ASTN2: variants seen among roughly 807,000 people sequenced by gnomAD.
ASTN2 encodes astrotactin-2.
A neutral mutation model predicts 139.8 loss-of-function variants in ASTN2; 54 were observed. The ratio of observed to expected loss-of-function variants is 0.39; its 90% confidence interval spans 0.31 to 0.48. The LOEUF is 0.48. ASTN2 is among the 20% of genes least tolerant of loss of function. The pLI, the probability that ASTN2 is intolerant of heterozygous loss-of-function variation, is 0.95. For synonymous variants in ASTN2, 756 were observed against 719.5 expected (o/e 1.05, Z -0.81); for missense variants, 1,565 against 1,725.1 (o/e 0.91, Z 1.64).
intron 16 of ASTN2, among the ~76,000 whole-genome samples, chr9:116,688,623 A>G (rs551858118): frequency 6.7e-6 from 1 of 149,610 alleles, no homozygotes; most frequent in Non-Finnish European, 1.5e-5. Context: ...CACTAACTCC[A>G]TTCTGACCAC....
intron 5 of ASTN2, among the ~76,000 whole-genome samples, chr9:117,058,382 C>T (rs929360675): frequency 3.3e-5 from 5 of 151,928 alleles, no homozygotes; most frequent in African/African-American, 1.2e-4. Flanking sequence ...ATGACAGCTA[C>T]CATATTTAAG....
At chr9:116,803,513 TA>T (rs1564276174) in intron 13 of ASTN2, among the ~76,000 whole-genome samples, 177 of 8,388 alleles carry the variant, frequency 0.021, 1 homozygote, top group Non-Finnish European at 0.025. Flanking sequence ...TATATATATA[TA>T]TATATATATT....
At chr9:117,263,297 C>T (rs529617488) in intron 2 of ASTN2, among the ~76,000 whole-genome samples, 10 of 152,170 alleles carry the variant, frequency 6.6e-5, no homozygotes, top group Admixed American at 1.3e-4. Flanking sequence ...TGAAGTATAA[C>T]TTTGTGTGAA....
At chr9:117,284,093 A>C (rs1460499261) in intron 2 of ASTN2, among the ~76,000 whole-genome samples, 1 of 152,152 alleles carries the variant, frequency 6.6e-6, no homozygotes, top group African/African-American at 2.4e-5. Flanking sequence ...TTATTTGAAG[A>C]CAGGGTATTT....
intron 16 of ASTN2, among the ~76,000 whole-genome samples, chr9:116,718,773 C>T (rs1026026384): frequency 4.0e-5 from 6 of 151,874 alleles, no homozygotes; most frequent in South Asian, 2.1e-4. Context: ...TGCCAGCCTT[C>T]GGACTGGAAC....
At chr9:116,914,932 A>T (rs1834402310) in intron 10 of ASTN2, among the ~76,000 whole-genome samples, 1 of 152,194 alleles carries the variant, frequency 6.6e-6, no homozygotes, top group Non-Finnish European at 1.5e-5. Flanking sequence ...GCTGAAGCTG[A>T]GCTCTGGCCT....
At chr9:117,192,262 A>G (rs1191526030) in intron 3 of ASTN2, among the ~76,000 whole-genome samples, 2 of 152,070 alleles carry the variant, frequency 1.3e-5, no homozygotes, top group African/African-American at 4.8e-5. Context: ...CCAAAGCAAA[A>G]AAGCCGCAGA....
intron 22 of ASTN2, among the ~76,000 whole-genome samples, chr9:116,432,292 T>A (rs554287356): frequency 6.6e-6 from 1 of 152,326 alleles, no homozygotes; most frequent in African/African-American, 2.4e-5. Flanking sequence ...TGTTTTCCCA[T>A]TTGCTGCTGA....
At chr9:117,180,250 T>C (rs1468308174) in intron 3 of ASTN2, among the ~76,000 whole-genome samples, 1 of 152,212 alleles carries the variant, frequency 6.6e-6, no homozygotes, top group East Asian at 1.9e-4. Context: ...CCCTGGGGCC[T>C]CCCAGATAAA....
intron 3 of ASTN2, among the ~76,000 whole-genome samples, chr9:117,202,533 G>A (rs1479576133): frequency 6.6e-6 from 1 of 152,118 alleles, no homozygotes; most frequent in Non-Finnish European, 1.5e-5. Flanking sequence ...GGGCAGGCCT[G>A]GTGGTAATGA....
At chr9:116,870,977 G>T (rs1833148806) in intron 10 of ASTN2, among the ~76,000 whole-genome samples, 1 of 152,158 alleles carries the variant, frequency 6.6e-6, no homozygotes, top group Admixed American at 6.5e-5. Context: ...ATCAAGCTCA[G>T]GGCAGGCACG....
chr9:117,330,755 C>A (rs1009671741), intron 1 of ASTN2, among the ~76,000 whole-genome samples: 1 of 152,180 alleles, frequency 6.6e-6, no homozygotes, highest in Non-Finnish European at 1.5e-5. Flanking sequence ...CAATTCCCAC[C>A]TTTCTTTGTA....
At chr9:117,043,690 C>CTGTCT (rs1476161915) in intron 5 of ASTN2, among the ~76,000 whole-genome samples, 1 of 152,068 alleles carries the variant, frequency 6.6e-6, no homozygotes, top group Non-Finnish European at 1.5e-5. Context: ...GGCAGATCAC[C>CTGTCT]TGAGATCAGG....
At chr9:116,958,150 C>G (rs1231340110) in intron 10 of ASTN2, among the ~76,000 whole-genome samples, 1 of 152,194 alleles carries the variant, frequency 6.6e-6, no homozygotes, top group African/African-American at 2.4e-5. Context: ...AATTAGTAGG[C>G]TACTTCTAGG....
At chr9:116,498,957 G>C (rs538806451) in intron 19 of ASTN2, among the ~76,000 whole-genome samples, 1 of 152,296 alleles carries the variant, frequency 6.6e-6, no homozygotes, top group Admixed American at 6.5e-5. Flanking sequence ...GCAGGAAAAT[G>C]TATTCCTGAG....
chr9:117,087,377 G>A (rs944003774), intron 5 of ASTN2, among the ~76,000 whole-genome samples: 4 of 151,974 alleles, frequency 2.6e-5, no homozygotes. Context: ...TGAAATTAAA[G>A]GCACATGCCA....
chr9:116,493,476 A>T (rs1282682455), intron 19 of ASTN2, among the ~76,000 whole-genome samples: 2 of 151,948 alleles, frequency 1.3e-5, no homozygotes, highest in Non-Finnish European at 2.9e-5. Context: ...TTCTTTATCC[A>T]CTCAGACTCT....
chr9:117,315,331 A>G (rs1386544429), intron 1 of ASTN2, among the ~76,000 whole-genome samples: 4 of 152,220 alleles, frequency 2.6e-5, no homozygotes, highest in Non-Finnish European at 5.9e-5. Flanking sequence ...TCCTTTAAGA[A>G]TCACAATTAG....
At chr9:116,793,813 T>A (rs974224316) in intron 13 of ASTN2, among the ~76,000 whole-genome samples, 1 of 152,192 alleles carries the variant, frequency 6.6e-6, no homozygotes, top group South Asian at 2.1e-4. Flanking sequence ...ACCTTAGAGT[T>A]TGAGAAGCAC....
Sources: allele counts gnomAD v4.1 joint callset (sites outside exome capture counted in the v4.1 genomes callset), GRCh38; gene constraint gnomAD v4.1.1; transcripts MANE v1.5; gene names NCBI Gene and HGNC (gene_info 2026-07-23, HGNC 2026-07-21).